The following RBFOX1 variants were observed in gnomAD, a reference collection of about 807,000 sequenced individuals.
RBFOX1 encodes the protein RNA binding protein fox-1 homolog 1.
A neutral mutation model predicts 57.7 loss-of-function variants in RBFOX1; 8 were observed. The ratio of observed to expected loss-of-function variants is 0.14; its 90% CI spans 0.08 to 0.25. The LOEUF (loss-of-function observed/expected upper bound fraction) is 0.25. Ranked by LOEUF, RBFOX1 falls within the 10% of genes least tolerant of loss-of-function variation. The pLI is 1.00. For missense variants in RBFOX1, 611 were observed against 548.5 expected, an observed-to-expected ratio of 1.11 and a Z score of -1.14; for synonymous variants, 326 against 222.4, an observed-to-expected ratio of 1.47 and a Z score of -4.15.
chr16:7,135,833 T>A (rs1204331890), intron 4 of RBFOX1, among the ~76,000 whole-genome samples: 1 of 152,256 alleles, frequency 6.6e-6, no homozygotes, highest in Non-Finnish European at 1.5e-5. Flanking sequence ...GACTGCAGAT[T>A]GGCCTTTTCA....
intron 2 of RBFOX1, among the ~76,000 whole-genome samples, chr16:6,462,686 C>T (rs747888355): frequency 4.0e-5 from 6 of 151,522 alleles, no homozygotes; most frequent in Non-Finnish European, 8.8e-5. Flanking sequence ...CAAATATTAC[C>T]ATGTTTTTAC....
intron 1 of RBFOX1, among the ~76,000 whole-genome samples, chr16:5,296,629 C>A (rs2063675520): frequency 6.7e-6 from 1 of 150,082 alleles, no homozygotes; most frequent in Non-Finnish European, 1.5e-5. Flanking sequence ...ATTTTGTATT[C>A]TTTTCCCCTC....
chr16:6,349,428 T>C (rs1363175209), intron 2 of RBFOX1, among the ~76,000 whole-genome samples: 1 of 152,174 alleles, frequency 6.6e-6, no homozygotes, highest in Non-Finnish European at 1.5e-5. Context: ...ATACGAATAT[T>C]GTGGTAAAAT....
At chr16:6,367,476 T>G (rs2089817959) in intron 2 of RBFOX1, among the ~76,000 whole-genome samples, 3 of 152,114 alleles carry the variant, frequency 2.0e-5, no homozygotes. Context: ...TTCACTATAT[T>G]GGTCAGGCTG....
At chr16:6,882,836 G>A (rs1448695781) in intron 3 of RBFOX1, among the ~76,000 whole-genome samples, 1 of 151,990 alleles carries the variant, frequency 6.6e-6, no homozygotes, top group Non-Finnish European at 1.5e-5. Flanking sequence ...CCTTTTCAGA[G>A]GCTTTATGTT....
At chr16:6,686,131 T>C (rs933958733) in intron 3 of RBFOX1, among the ~76,000 whole-genome samples, 2 of 152,240 alleles carry the variant, frequency 1.3e-5, no homozygotes, top group East Asian at 1.9e-4. Context: ...GGGACTATCA[T>C]TTCTTCTACA....
chr16:7,454,103 C>T (rs940336432), intron 4 of RBFOX1, among the ~76,000 whole-genome samples: 10 of 152,152 alleles, frequency 6.6e-5, no homozygotes, highest in African/African-American at 1.2e-4. Flanking sequence ...TGTGGTGGCC[C>T]ATGCCTGTAA....
At chr16:6,717,658 C>G (rs1270660853) in intron 3 of RBFOX1, among the ~76,000 whole-genome samples, 2 of 151,786 alleles carry the variant, frequency 1.3e-5, no homozygotes, top group African/African-American at 4.8e-5. Flanking sequence ...GTCAGCTCAG[C>G]AAGTGTCTTC....
chr16:7,251,434 G>C (rs1030809570), intron 4 of RBFOX1, among the ~76,000 whole-genome samples: 2 of 143,446 alleles, frequency 1.4e-5, no homozygotes, highest in African/African-American at 5.2e-5. Flanking sequence ...GTGGGGGATG[G>C]AGTTTTGTTC....
rs79106570 is a variant in RBFOX1 at position 5,913,206 on chromosome 16, C to T, written c.351+45871C>T. On this transcript the variant is annotated intron_variant, in intron 4 of 19. Coordinates refer to the RBFOX1 transcript ENST00000641259. ...ATAGGTAGAAAGCCACACACGGGTG[C>T]ATGACACCATCTTATTTATCCCACG... Among the ~76,000 whole-genome samples the T allele has an allele frequency of 1.7e-3, 260 of 152,318 alleles. 1 individual carries two copies. The highest frequency in any genetic ancestry group is 5.9e-3 in the African/African-American group (244 of 41,570).
chr16:5,385,958 T>C (rs967564781), intron 1 of RBFOX1, among the ~76,000 whole-genome samples: 13 of 152,276 alleles, frequency 8.5e-5, no homozygotes, highest in Middle Eastern at 3.4e-3. Flanking sequence ...CATATTTTTT[T>C]GTACATCTAA....
intron 1 of RBFOX1, among the ~76,000 whole-genome samples, chr16:6,186,022 TCTC>T (rs2097102918): frequency 6.6e-6 from 1 of 152,190 alleles, no homozygotes. Context: ...ATTTCTCTAT[TCTC>T]CTTGGATGTG....
At chr16:7,181,592 TTGCTC>T (rs1405437833) in intron 4 of RBFOX1, among the ~76,000 whole-genome samples, 1 of 152,174 alleles carries the variant, frequency 6.6e-6, no homozygotes, top group Admixed American at 6.5e-5. Flanking sequence ...GCTTGCTTGC[TTGCTC>T]TGTTGCCCAG....
At chr16:6,664,704 G>A (rs192082860) in intron 3 of RBFOX1, among the ~76,000 whole-genome samples, 3 of 152,338 alleles carry the variant, frequency 2.0e-5, no homozygotes, top group African/African-American at 2.4e-5. Context: ...CCACAGATAG[G>A]CAGGGATGGA....
At chr16:6,903,838 A>G (rs1477676593) in intron 3 of RBFOX1, among the ~76,000 whole-genome samples, 1 of 152,096 alleles carries the variant, frequency 6.6e-6, no homozygotes, top group Non-Finnish European at 1.5e-5. Context: ...GCGGGCTGTA[A>G]AGGGAATGCA....
At chr16:6,961,589 T>C (rs62016372) in intron 3 of RBFOX1, among the ~76,000 whole-genome samples, 93,025 of 151,958 alleles carry the variant, frequency 0.61, 28,594 homozygotes, top group Non-Finnish European at 0.63. Flanking sequence ...GCAGAGCAGC[T>C]CTGAGGGCTG....
chr16:6,554,579 A>G lies in RBFOX1; in HGVS notation c.-63-100024A>G, dbSNP rs143041562. ...AACTGGTTTTCTAAACAAGAAAACA[A>G]AAAGGTTTCCGCTTATTAAATAAAC... is the stretch of plus-strand genomic sequence containing the variant. On this transcript the variant is annotated intron_variant, in intron 2 of 15. Transcript: ENST00000550418. Among the ~76,000 whole-genome samples, 585 of 152,358 alleles carry G rather than the reference A, an allele frequency of 3.8e-3. 9 individuals carry two copies. The highest frequency in any genetic ancestry group is 0.013 in the African/African-American group (545 of 41,590).
chr16:7,451,454 A>G (rs1159289340), intron 4 of RBFOX1, among the ~76,000 whole-genome samples: 4 of 152,150 alleles, frequency 2.6e-5, no homozygotes, highest in Non-Finnish European at 4.4e-5. Context: ...ACTTTTCTAT[A>G]CATTTTGTGC....
chr16:6,472,772 G>A (rs186649398), intron 2 of RBFOX1, among the ~76,000 whole-genome samples: 37 of 151,954 alleles, frequency 2.4e-4, no homozygotes, highest in Non-Finnish European at 4.0e-4. Context: ...ACAGGCGTGC[G>A]CCACCATGCC....
Sources: allele counts gnomAD v4.1 joint callset (sites outside exome capture counted in the v4.1 genomes callset), GRCh38; gene constraint gnomAD v4.1.1; transcripts MANE v1.5; gene names NCBI Gene and HGNC (gene_info 2026-07-23, HGNC 2026-07-21).